The following NEO1 variants were observed in gnomAD, a reference collection of about 807,000 sequenced individuals.
The protein encoded by NEO1 is neogenin.
A neutral mutation model predicts 159.7 loss-of-function variants in NEO1; 63 were observed. The observed-to-expected ratio is 0.39, with a 90% CI of 0.32 to 0.49. The LOEUF (loss-of-function observed/expected upper bound fraction) is 0.49, where lower values mean the gene tolerates loss of function less well. Ranked by LOEUF, NEO1 falls within the 20% of genes least tolerant of loss-of-function variation. The pLI is 0.85. For missense variants in NEO1, 1,615 were observed against 1,831.0 expected (o/e 0.88, Z 2.15); for synonymous variants, 633 against 662.0 (o/e 0.96, Z 0.67).
At chr15:73,073,036 C>A (rs1194080803) in intron 1 of NEO1, among the ~76,000 whole-genome samples, 1 of 152,028 alleles carries the variant, frequency 6.6e-6, no homozygotes, top group Admixed American at 6.6e-5. Flanking sequence ...ATTTGATACA[C>A]CTTTGTGATA....
At chr15:73,078,727 GCCT>G (rs2068897319) in intron 1 of NEO1, among the ~76,000 whole-genome samples, 1 of 152,168 alleles carries the variant, frequency 6.6e-6, no homozygotes, top group African/African-American at 2.4e-5. Flanking sequence ...CTTCCTTCAT[GCCT>G]CCTCTAGAAA....
chr15:73,211,290 C>T (rs2037547299), intron 7 of NEO1, among the ~76,000 whole-genome samples: 3 of 152,152 alleles, frequency 2.0e-5, no homozygotes, highest in Admixed American at 1.3e-4. Flanking sequence ...ATGGGATGAG[C>T]CCCATAATTG....
In NEO1 at chr15:73,057,374, T is replaced by C. The variant is rs150631661; in HGVS notation, c.130+4569T>C. The stretch of plus-strand genomic sequence containing the variant: ...TGGAGGCTGTATTTAATAGTCTTTT[T>C]TCCAAACACTTTATTTTATTAGTGA... On this transcript the variant is annotated intron_variant, in intron 1 of 28. Transcript: ENST00000261908. Among the ~76,000 whole-genome samples, 41 of 152,304 alleles carry C rather than the reference T, an allele frequency of 2.7e-4. No homozygotes were observed. In the East Asian group the frequency reaches 7.5e-3, roughly 28 times the overall value.
intron 7 of NEO1, among the ~76,000 whole-genome samples, chr15:73,227,670 C>T (rs1203004869): frequency 6.6e-6 from 1 of 152,212 alleles, no homozygotes; most frequent in Admixed American, 6.5e-5. Context: ...CAGCAATGCT[C>T]ACATTTGAAA....
chr15:73,271,859 A>T (rs1053208836), intron 18 of NEO1, among the ~76,000 whole-genome samples: 1 of 143,508 alleles, frequency 7.0e-6, no homozygotes, highest in Non-Finnish European at 1.5e-5. Context: ...ATGAGCAGAG[A>T]TTGTGCCACT....
intron 15 of NEO1, among the ~76,000 whole-genome samples, chr15:73,262,936 C>G (rs925712457): frequency 3.3e-5 from 5 of 152,074 alleles, no homozygotes; most frequent in Non-Finnish European, 5.9e-5. Context: ...CCAAAGACGT[C>G]AAACACTGTT....
At chr15:73,278,006 T>G in intron 21 of NEO1, 125 bp from the exon 22 acceptor site, 1 of 742,422 alleles carries the variant, frequency 1.3e-6, no homozygotes, top group Non-Finnish European at 2.2e-6. Context: ...TATGTGCTAC[T>G]TTATTTTCTC....
At chr15:73,240,419 A>G (rs1318920256) in intron 8 of NEO1, among the ~76,000 whole-genome samples, 2 of 152,242 alleles carry the variant, frequency 1.3e-5, no homozygotes, top group Admixed American at 1.3e-4. Flanking sequence ...ATCTGTGTGT[A>G]TGCTGTGAGA....
At chr15:73,134,359 T>C (rs1390138258) in intron 4 of NEO1, among the ~76,000 whole-genome samples, 1 of 152,216 alleles carries the variant, frequency 6.6e-6, no homozygotes, top group Non-Finnish European at 1.5e-5. Context: ...TCACCAAATC[T>C]GATTCTGGCT....
At chr15:73,052,160 G>A (rs950143453), upstream of NEO1, among the ~76,000 whole-genome samples, 6 of 150,264 alleles carry the variant, frequency 4.0e-5, no homozygotes, top group African/African-American at 1.5e-4. Context: ...AGCGGCTCCG[G>A]GGAGAAGGGG....
intron 1 of NEO1, among the ~76,000 whole-genome samples, chr15:73,099,140 A>T (rs1262619069): frequency 2.0e-5 from 3 of 152,090 alleles, no homozygotes; most frequent in Non-Finnish European, 4.4e-5. Flanking sequence ...TATATATATG[A>T]CTTCATTGTG....
intron 1 of NEO1, among the ~76,000 whole-genome samples, chr15:73,108,028 AAAC>A (rs1567209015): frequency 1.3e-5 from 2 of 152,322 alleles, no homozygotes; most frequent in Middle Eastern, 6.8e-3. Flanking sequence ...CCAAAAAGAC[AAAC>A]AACAACAACA....
chr15:73,069,747 A>G (rs986271756), intron 1 of NEO1, among the ~76,000 whole-genome samples: 25 of 152,160 alleles, frequency 1.6e-4, no homozygotes, highest in African/African-American at 5.8e-4. Flanking sequence ...AAAGTAGGAT[A>G]GTATGGATTT....
intron 1 of NEO1, among the ~76,000 whole-genome samples, chr15:73,098,940 A>T (rs1473824588): frequency 2.0e-5 from 3 of 152,168 alleles, no homozygotes; most frequent in Non-Finnish European, 4.4e-5. Flanking sequence ...ATGATAGGTG[A>T]GCAATTGTAT....
At chr15:73,124,628 G>A (rs1043929904) in intron 3 of NEO1, among the ~76,000 whole-genome samples, 1 of 152,100 alleles carries the variant, frequency 6.6e-6, no homozygotes, top group Non-Finnish European at 1.5e-5. Flanking sequence ...CTGGGTCACT[G>A]TCTTACCTCT....
chr15:73,224,020 G>A (rs2038436609), intron 7 of NEO1, among the ~76,000 whole-genome samples: 1 of 152,132 alleles, frequency 6.6e-6, no homozygotes, highest in African/African-American at 2.4e-5. Context: ...TTCAGCATTT[G>A]CTTGTCTGGA....
rs117013594 is a variant in NEO1, at chr15:73,083,461, G to A, written c.130+30656G>A. 5.6e-3 allele frequency among the ~76,000 whole-genome samples: 855 copies of A among 151,940 alleles called. 5 individuals carry two copies. Among genetic ancestry groups the A allele is most frequent in the South Asian group, 0.017 (83 of 4,796 alleles). On this transcript the variant is annotated intron_variant, in intron 1 of 28. Coordinates refer to ENST00000261908, the MANE Select transcript of NEO1 (RefSeq NM_002499.4). ...ATATATATATATAAAACACAGTTTG[G>A]TCCTTAAAGATAGAAAGTCGAGTAG...
chr15:73,112,108 A>G (rs1372416500), intron 1 of NEO1, among the ~76,000 whole-genome samples: 1 of 152,142 alleles, frequency 6.6e-6, no homozygotes, highest in Non-Finnish European at 1.5e-5. Context: ...ATGCCCATAT[A>G]ATCATATACA....
chr15:73,212,368 G>A (rs72741432), intron 7 of NEO1, among the ~76,000 whole-genome samples: 12,059 of 152,104 alleles, frequency 0.079, 567 homozygotes, highest in Non-Finnish European at 0.097. Flanking sequence ...ACTCTTTCCC[G>A]TGAAATAATT....
Sources: gnomAD v4.1 joint callset for allele counts (sites outside exome capture counted in the v4.1 genomes callset) on GRCh38, gnomAD v4.1.1 for gene constraint, MANE v1.5 for transcripts, NCBI Gene and HGNC (gene_info 2026-07-23, HGNC 2026-07-21) for gene names.